The following KLHL2 variants were observed in gnomAD, a reference collection of about 807,000 sequenced individuals.
KLHL2 encodes kelch like family member 2.
Under a neutral mutation model 75.8 loss-of-function variants are expected in KLHL2, and 15 were observed. The observed-to-expected ratio is 0.20, with a 90% CI of 0.13 to 0.30. KLHL2 has a LOEUF of 0.30. Ranked by LOEUF, KLHL2 falls within the 10% of genes least tolerant of loss-of-function variation. The pLI is 1.00. For missense variants in KLHL2, 381 were observed against 741.0 expected (o/e 0.51, Z 5.64); for synonymous variants, 214 against 251.9 (o/e 0.85, Z 1.42).
chr4:165,282,004 A>C (rs960907987), intron 5 of KLHL2, among the ~76,000 whole-genome samples: 5 of 152,212 alleles, frequency 3.3e-5, no homozygotes, highest in African/African-American at 9.7e-5. Context: ...TACTAATGTC[A>C]CAAGCTATGA....
intron 3 of KLHL2, among the ~76,000 whole-genome samples, chr4:165,235,229 C>T (rs1265232220): frequency 6.6e-6 from 1 of 152,226 alleles, no homozygotes; most frequent in East Asian, 1.9e-4. Context: ...AAGATAGAGT[C>T]TTTCTCTGTC....
intron 3 of KLHL2, among the ~76,000 whole-genome samples, chr4:165,231,476 G>A (rs1738886155): frequency 6.6e-6 from 1 of 152,150 alleles, no homozygotes; most frequent in African/African-American, 2.4e-5. Flanking sequence ...ACAACTCACT[G>A]ATTTTTAGCA....
At chr4:165,208,709 T>TA (rs1198255583) in intron 1 of KLHL2, among the ~76,000 whole-genome samples, 3 of 152,180 alleles carry the variant, frequency 2.0e-5, no homozygotes. Flanking sequence ...GAACTGTAAA[T>TA]ACCCAGGAGT....
At chr4:165,271,908 G>A (rs1013558319) in intron 5 of KLHL2, among the ~76,000 whole-genome samples, 1 of 152,174 alleles carries the variant, frequency 6.6e-6, no homozygotes, top group Non-Finnish European at 1.5e-5. Context: ...TGCTTACTCT[G>A]ATGAGTAAGG....
intron 5 of KLHL2, chr4:165,277,785 A>C (rs1406010591): frequency 2.0e-4 from 118 of 603,030 alleles, no homozygotes; most frequent in African/African-American, 1.1e-3. Context: ...ACACACACAC[A>C]CCAAATATTT....
At chr4:165,297,821 A>C in intron 7 of KLHL2, 96 bp downstream of exon 7, 1 of 824,102 alleles carries the variant, frequency 1.2e-6, no homozygotes, top group South Asian at 1.4e-5. Flanking sequence ...GAGCTGTAGA[A>C]TGCAGATCTG....
At chr4:165,260,092 T>C (rs1458957944) in intron 4 of KLHL2, among the ~76,000 whole-genome samples, 5 of 152,198 alleles carry the variant, frequency 3.3e-5, no homozygotes, top group African/African-American at 9.7e-5. Flanking sequence ...GTTTTCATTA[T>C]CAGTGACTGA....
chr4:165,248,098 G>A (rs541982259), intron 4 of KLHL2, among the ~76,000 whole-genome samples: 27 of 152,192 alleles, frequency 1.8e-4, no homozygotes, highest in African/African-American at 5.8e-4. Context: ...GGTTGGCTGG[G>A]TGATTGGCTC....
chr4:165,314,453 G>T (rs1245704951), intron 13 of KLHL2, among the ~76,000 whole-genome samples: 1 of 152,092 alleles, frequency 6.6e-6, no homozygotes, highest in Admixed American at 6.5e-5. Flanking sequence ...ATTAAATTAG[G>T]TGTAGACCCT....
At chr4:165,275,682 T>C (rs1398182071) in intron 5 of KLHL2, among the ~76,000 whole-genome samples, 1 of 152,154 alleles carries the variant, frequency 6.6e-6, no homozygotes, top group Non-Finnish European at 1.5e-5. Flanking sequence ...CCTTAAGCAG[T>C]CCTCCTGCCT....
At chr4:165,298,700 A>G (rs1448293865) in intron 7 of KLHL2, among the ~76,000 whole-genome samples, 2 of 152,114 alleles carry the variant, frequency 1.3e-5, no homozygotes, top group African/African-American at 2.4e-5. Context: ...CCCAGCACTT[A>G]GGGAGGCGGA....
Position 165,226,091 on chromosome 4 carries a change from A to G in KLHL2, c.153-2716A>G, listed in dbSNP as rs185197670. On this transcript the variant is annotated intron_variant, in intron 2 of 14. Coordinates refer to ENST00000226725, the MANE Select transcript of KLHL2 (RefSeq NM_007246.4). ...TCCACTTGTGTTCCATCTTGAAACT[A>G]AAGCACTAGGAAGGATTACTGACAA... 1.5e-4 allele frequency among the ~76,000 whole-genome samples: 23 copies of G among 152,332 alleles called. 1 individual carries two copies. The highest frequency in any genetic ancestry group is 5.5e-4 in the African/African-American group (23 of 41,576).
chr4:165,297,708 C>T lies in KLHL2; in HGVS notation c.754C>T (p.Arg252Trp), dbSNP rs1292001515. Residue 252 changes from arginine to tryptophan, a missense_variant, in exon 7 of 15, where the codon CGG becomes TGG. Arg to Trp is a moderately radical substitution (Grantham distance 101). Transcript: ENST00000226725. Reference protein sequence around the residue: ...MEHVRLPLLPREYLVQRVEEE... With the variant: ...MEHVRLPLLPWEYLVQRVEEE... ...ACATGTACGGTTACCTTTGCTTCCTCGGGAATATTTAGTTCAGGTAAATGC... is the reference window on the plus strand; with the variant it reads ...ACATGTACGGTTACCTTTGCTTCCTTGGGAATATTTAGTTCAGGTAAATGC... The T allele has an allele frequency of 4.3e-6, 7 of 1,609,926 alleles. No homozygotes were observed. Among genetic ancestry groups the T allele is most frequent in the Non-Finnish European group, 6.0e-6 (7 of 1,176,370 alleles).
chr4:165,221,477 C>G (rs1300268793), intron 2 of KLHL2, among the ~76,000 whole-genome samples: 2 of 152,088 alleles, frequency 1.3e-5, no homozygotes, highest in African/African-American at 2.4e-5. Flanking sequence ...CTGGCCTCAT[C>G]GGAGGAACTG....
intron 5 of KLHL2, among the ~76,000 whole-genome samples, chr4:165,264,752 A>ATATATG (rs1742094517): frequency 1.2e-5 from 1 of 83,630 alleles, no homozygotes; most frequent in Non-Finnish European, 2.4e-5. Flanking sequence ...ATATATATAT[A>ATATATG]TATATATATA....
At chr4:165,272,158 GC>G (rs1379938490) in intron 5 of KLHL2, among the ~76,000 whole-genome samples, 1 of 152,046 alleles carries the variant, frequency 6.6e-6, no homozygotes, top group Non-Finnish European at 1.5e-5. Flanking sequence ...TGGCCTAACT[GC>G]CCTTTAGAAA....
intron 11 of KLHL2, among the ~76,000 whole-genome samples, chr4:165,311,846 T>TG: frequency 2.0e-5 from 3 of 147,162 alleles, no homozygotes; most frequent in Non-Finnish European, 4.5e-5. Flanking sequence ...TGTGTGTGTG[T>TG]TTGACTTATA....
intron 4 of KLHL2, among the ~76,000 whole-genome samples, chr4:165,245,130 C>G (rs1276140999): frequency 6.6e-6 from 1 of 152,134 alleles, no homozygotes; most frequent in African/African-American, 2.4e-5. Flanking sequence ...ATCGCTTGAA[C>G]CCGGGAGGTG....
chr4:165,255,922 C>T (rs1741130125), intron 4 of KLHL2, among the ~76,000 whole-genome samples: 1 of 152,080 alleles, frequency 6.6e-6, no homozygotes, highest in Non-Finnish European at 1.5e-5. Context: ...AATAAGCAAA[C>T]TGCTAATGGC....
Sources: gnomAD v4.1 joint callset for allele counts (sites outside exome capture counted in the v4.1 genomes callset) on GRCh38, gnomAD v4.1.1 for gene constraint, MANE v1.5 for transcripts, NCBI Gene and HGNC (gene_info 2026-07-23, HGNC 2026-07-21) for gene names.